GPHN: variants seen among roughly 807,000 people sequenced by gnomAD.
GPHN encodes gephyrin.
In GPHN, 17 loss-of-function variants were observed where a neutral mutation model predicts 95.5. The observed-to-expected ratio is 0.18, with a 90% confidence interval of 0.12 to 0.27. The LOEUF is 0.27. GPHN is among the 10% of genes least tolerant of loss of function. The pLI is 1.00. For missense variants in GPHN, 660 were observed against 978.1 expected (o/e 0.67, Z 4.34); for synonymous variants, 320 against 322.5 (o/e 0.99, Z 0.08).
chr14:66,922,271 GTT>G (rs143579871), intron 6 of GPHN, among the ~76,000 whole-genome samples: 6,898 of 141,676 alleles, frequency 0.049, 535 homozygotes, highest in African/African-American at 0.16. Context: ...CAGAGTGTAT[GTT>G]TTTTTTTTTT....
At chr14:67,287,473 AAAG>A in the GPHN span, among the ~76,000 whole-genome samples, 1 of 152,226 alleles carries the variant, frequency 6.6e-6, no homozygotes, top group Non-Finnish European at 1.5e-5. Flanking sequence ...AAAATGGATG[AAAG>A]AAGAAATTCA....
chr14:67,109,537 G>A (rs1345410524), intron 13 of GPHN, among the ~76,000 whole-genome samples: 1 of 152,024 alleles, frequency 6.6e-6, no homozygotes, highest in Non-Finnish European at 1.5e-5. Context: ...TTTAACCTAG[G>A]TCATTACAGA....
intron 8 of GPHN, among the ~76,000 whole-genome samples, chr14:66,951,598 A>G (rs2068114736): frequency 6.6e-6 from 1 of 152,176 alleles, no homozygotes. Context: ...AAGGGCAAAA[A>G]AACAACCAAA....
At chr14:66,956,883 A>G (rs1277208421) in intron 8 of GPHN, among the ~76,000 whole-genome samples, 1 of 147,382 alleles carries the variant, frequency 6.8e-6, no homozygotes, top group Non-Finnish European at 1.5e-5. Flanking sequence ...CAAACACCGC[A>G]TATTCTCACT....
At chr14:67,571,722 G>A in the GPHN span, 88 of 1,603,612 alleles carry the variant, frequency 5.5e-5, no homozygotes, top group Non-Finnish European at 7.3e-5. Context: ...TGCAGCCTGA[G>A]CTGCAGTGAG....
chr14:66,741,278 T>C (rs1458508634), intron 2 of GPHN, among the ~76,000 whole-genome samples: 1 of 152,218 alleles, frequency 6.6e-6, no homozygotes, highest in Non-Finnish European at 1.5e-5. Context: ...AAATATAATA[T>C]GCAAATAATT....
the GPHN span, among the ~76,000 whole-genome samples, chr14:67,606,190 A>G: frequency 2.0e-5 from 3 of 152,080 alleles, no homozygotes; most frequent in Non-Finnish European, 4.4e-5. Flanking sequence ...TGGGAAAAAA[A>G]TAGAAGAAAT....
the GPHN span, among the ~76,000 whole-genome samples, chr14:67,266,634 TCA>T: frequency 6.6e-6 from 1 of 152,134 alleles, no homozygotes; most frequent in Non-Finnish European, 1.5e-5. Flanking sequence ...CTGAAATATT[TCA>T]GTTTTTACTT....
intron 1 of GPHN, among the ~76,000 whole-genome samples, chr14:66,559,872 G>T (rs1052730334): frequency 2.0e-5 from 3 of 152,020 alleles, no homozygotes; most frequent in Non-Finnish European, 4.4e-5. Flanking sequence ...TACAGTTTTA[G>T]GTCTAACATG....
At chr14:67,353,166 A>T in the GPHN span, 1 of 680,760 alleles carries the variant, frequency 1.5e-6, no homozygotes, top group Non-Finnish European at 2.4e-6. Flanking sequence ...TATATAGAGA[A>T]TTTGTAGCTG....
chr14:66,517,380 A>G (rs891601559), intron 1 of GPHN, among the ~76,000 whole-genome samples: 4 of 152,332 alleles, frequency 2.6e-5, no homozygotes, highest in Non-Finnish European at 5.9e-5. Context: ...TACAGATTCA[A>G]TGCAGTCCTA....
chr14:67,700,888 G>T, the GPHN span, among the ~76,000 whole-genome samples: 4 of 151,276 alleles, frequency 2.6e-5, no homozygotes, highest in Non-Finnish European at 4.4e-5. Flanking sequence ...AGCTGGGCAC[G>T]GCGGCGAATG....
At chr14:67,713,893 A>G in the GPHN span, among the ~76,000 whole-genome samples, 1 of 152,164 alleles carries the variant, frequency 6.6e-6, no homozygotes, top group Non-Finnish European at 1.5e-5. Flanking sequence ...GTGAGAGAAA[A>G]ACAGCTGCAT....
intron 1 of GPHN, among the ~76,000 whole-genome samples, chr14:66,582,398 T>C (rs1306862157): frequency 6.6e-6 from 1 of 151,788 alleles, no homozygotes; most frequent in Non-Finnish European, 1.5e-5. Flanking sequence ...TTTTATTTTA[T>C]TTTACTTTAA....
rs1044369652 is a variant in GPHN, at chr14:66,735,751, C to T, written c.144-40713C>T. Among the ~76,000 whole-genome samples the T allele has an allele frequency of 4.6e-5, 7 of 152,104 alleles. No individual in the cohort carries two copies. In the East Asian group the frequency reaches 1.4e-3, roughly 29 times the overall value. ...AATATCATTTTATTGTTAATAGCAT[C>T]TTTCTGGAGATCTGGTCTTCAACAG... is the stretch of plus-strand genomic sequence containing the variant. On this transcript the variant is annotated intron_variant, in intron 2 of 22. Coordinates refer to ENST00000478722, the MANE Select transcript of GPHN (RefSeq NM_020806.5).
chr14:66,781,983 A>G (rs1298110184), intron 3 of GPHN, among the ~76,000 whole-genome samples: 4 of 152,132 alleles, frequency 2.6e-5, no homozygotes, highest in Admixed American at 2.0e-4. Context: ...TTACACTACC[A>G]TCTTGAATGC....
chr14:67,061,384 C>T (rs1172916927), intron 11 of GPHN, among the ~76,000 whole-genome samples: 1 of 151,970 alleles, frequency 6.6e-6, no homozygotes, highest in African/African-American at 2.4e-5. Context: ...TATAGGCTCC[C>T]CTCCCCCCAG....
At chr14:66,509,892 T>C (rs1369325427) in intron 1 of GPHN, among the ~76,000 whole-genome samples, 1 of 152,200 alleles carries the variant, frequency 6.6e-6, no homozygotes, top group Non-Finnish European at 1.5e-5. Context: ...AGTGCAAAGC[T>C]TAATTTAGCT....
chr14:66,631,797 TAGAGA>T (rs1201206103), intron 1 of GPHN, among the ~76,000 whole-genome samples: 1 of 152,190 alleles, frequency 6.6e-6, no homozygotes, highest in Non-Finnish European at 1.5e-5. Flanking sequence ...TTTTCTATAT[TAGAGA>T]AATTTCCCAC....
Sources: gnomAD v4.1 joint callset for allele counts (sites outside exome capture counted in the v4.1 genomes callset) on GRCh38, gnomAD v4.1.1 for gene constraint, MANE v1.5 for transcripts, NCBI Gene and HGNC (gene_info 2026-07-23, HGNC 2026-07-21) for gene names.